TMEM53: variants seen among roughly 807,000 people sequenced by gnomAD.
TMEM53 encodes transmembrane protein 53.
Under a neutral mutation model 21.4 loss-of-function variants are expected in TMEM53, and 14 were observed. The observed-to-expected ratio is 0.65, with a 90% CI of 0.43 to 1.02. The LOEUF (loss-of-function observed/expected upper bound fraction) is 1.02. Ranked by LOEUF, TMEM53 falls within the 50% of genes least tolerant of loss-of-function variation. The pLI, the probability that TMEM53 is intolerant of heterozygous loss-of-function variation, is 0.00. For missense variants in TMEM53, 323 were observed against 383.6 expected (o/e 0.84, Z 1.32); for synonymous variants, 148 against 157.4 (o/e 0.94, Z 0.45).
At chr1:44,674,251 G>A (rs1645058106) in intron 1 of TMEM53, 80 bp downstream of exon 1, 2 of 1,516,426 alleles carry the variant, frequency 1.3e-6, no homozygotes, top group Non-Finnish European at 1.8e-6. Context: ...CCGCATGAGG[G>A]GCGGGGCTAC....
At chr1:44,672,254 T>G (rs1303291803) in intron 1 of TMEM53, among the ~76,000 whole-genome samples, 1 of 152,126 alleles carries the variant, frequency 6.6e-6, no homozygotes, top group Non-Finnish European at 1.5e-5. Context: ...GCCGTGGAGG[T>G]GTTTCCCTTG....
rs1644827294 is a variant in TMEM53 at position 44,654,368 on chromosome 1, T to G, written c.*191A>C. ...GCCCAGGCACTCCTGCCCCTTAGGA[T>G]TCTGTGGTAAGCAGACCACCAGCAG... On this transcript the variant is annotated 3_prime_UTR_variant, in exon 3 of 3. Coordinates refer to ENST00000372237, the MANE Select transcript of TMEM53 (RefSeq NM_024587.4). This position sits in a 1 kb window ranked among gnomAD's most constrained non-coding sequence, Gnocchi z 7.0. 1.6e-6 allele frequency: 1 copy of G among 632,086 alleles called. No homozygotes were observed. Among genetic ancestry groups the G allele is most frequent in the Non-Finnish European group, 2.7e-6 (1 of 370,050 alleles). The allele number at this position is 632,086 out of a possible 1,614,324, so 39.2% of individuals were successfully genotyped here.
In TMEM53 at chr1:44,655,299, T is replaced by TA. The variant is rs1343218103; in HGVS notation, c.184-91dup. ...AGAGGGGCCCAGCAACCCCAGCCTGTAGGACATAGGCCATGGGGCCCACAG... is the reference window on the plus strand; with the variant it reads ...AGAGGGGCCCAGCAACCCCAGCCTGTAAGGACATAGGCCATGGGGCCCACAG... On this transcript the variant is annotated intron_variant, in intron 2 of 2. Coordinates refer to ENST00000372237, the MANE Select transcript of TMEM53 (RefSeq NM_024587.4). This position sits in a 1 kb window ranked among gnomAD's most constrained non-coding sequence, Gnocchi z 4.4. The TA allele has an allele frequency of 2.4e-5, 32 of 1,315,596 alleles. No homozygotes were observed. Among genetic ancestry groups the TA allele is most frequent in the Non-Finnish European group, 3.2e-5 (31 of 968,052 alleles). 81.5% of individuals were successfully genotyped at this position (1,315,596 alleles called of 1,614,324 possible). A position where few individuals can be genotyped will look rare whatever the true frequency, so the allele number is the denominator to read the frequency against.
chr1:44,659,003 A>C (rs1346662065), intron 2 of TMEM53, among the ~76,000 whole-genome samples: 1 of 152,134 alleles, frequency 6.6e-6, no homozygotes, highest in Non-Finnish European at 1.5e-5. Flanking sequence ...GCCTGCCCTC[A>C]AGGATCTCAG....
intron 1 of TMEM53, among the ~76,000 whole-genome samples, chr1:44,671,599 A>G (rs999534575): frequency 1.3e-5 from 2 of 152,174 alleles, no homozygotes; most frequent in African/African-American, 4.8e-5. Flanking sequence ...CTGTCTCCAT[A>G]TAAGAAAATG....
At chr1:44,663,790 C>T (rs1305658327) in intron 1 of TMEM53, among the ~76,000 whole-genome samples, 1 of 152,180 alleles carries the variant, frequency 6.6e-6, no homozygotes, top group Non-Finnish European at 1.5e-5. Flanking sequence ...ATACCTTGTT[C>T]CTAAACCACT....
At chr1:44,666,810 C>A (rs1333453559) in intron 1 of TMEM53, among the ~76,000 whole-genome samples, 1 of 151,572 alleles carries the variant, frequency 6.6e-6, no homozygotes, top group African/African-American at 2.4e-5. Flanking sequence ...TCTTACAATT[C>A]TGTGAATATA....
chr1:44,670,691 T>G (rs1050647416), intron 1 of TMEM53, among the ~76,000 whole-genome samples: 4 of 152,226 alleles, frequency 2.6e-5, no homozygotes, highest in Non-Finnish European at 5.9e-5. Flanking sequence ...AAAAAAGGCA[T>G]GCGGTAAAAC....
At chr1:44,672,085 C>A (rs1332263775) in intron 1 of TMEM53, among the ~76,000 whole-genome samples, 1 of 152,226 alleles carries the variant, frequency 6.6e-6, no homozygotes, top group African/African-American at 2.4e-5. Context: ...GGAAGCTCTG[C>A]AGATAGGAAG....
At chr1:44,674,167 G>A (rs1573243782) in intron 1 of TMEM53, 164 bp downstream of exon 1, 4 of 985,236 alleles carry the variant, frequency 4.1e-6, no homozygotes, top group African/African-American at 1.7e-5. Context: ...CTTACGAGGG[G>A]CGGGGCTCTC....
chr1:44,668,314 G>C (rs765792305), intron 1 of TMEM53, among the ~76,000 whole-genome samples: 32 of 152,084 alleles, frequency 2.1e-4, no homozygotes, highest in Admixed American at 3.9e-4. Context: ...GGTGGCGGGC[G>C]CCTATAGTCC....
At chr1:44,665,600 A>G (rs1573229312) in intron 1 of TMEM53, among the ~76,000 whole-genome samples, 1 of 150,224 alleles carries the variant, frequency 6.7e-6, no homozygotes, top group East Asian at 1.9e-4. Context: ...GCACCATTGC[A>G]CTCCAGCCAG....
Position 44,663,360 on chromosome 1 carries a change from C to A in TMEM53, c.62-3065G>T, listed in dbSNP as rs552338466. 6.6e-5 allele frequency among the ~76,000 whole-genome samples: 10 copies of A among 152,342 alleles called. 1 individual carries two copies. The South Asian group carries it at 2.1e-3, about 32-fold the overall frequency. ...GGTTCAAGAGATTCCCCTGCCTCAGCCTCCTGAGTAGCTGGGACTATAGGT... is the reference window on the plus strand; with the variant it reads ...GGTTCAAGAGATTCCCCTGCCTCAGACTCCTGAGTAGCTGGGACTATAGGT... On this transcript the variant is annotated intron_variant, in intron 1 of 2. Transcript: ENST00000372237.
intron 2 of TMEM53, among the ~76,000 whole-genome samples, chr1:44,658,560 GTTTAT>G (rs569460617): frequency 2.1e-4 from 32 of 152,072 alleles, no homozygotes; most frequent in East Asian, 1.4e-3. Context: ...AAGGAACTTT[GTTTAT>G]TTTGAGACAG....
At chr1:44,663,978 T>C (rs1644924359) in intron 1 of TMEM53, among the ~76,000 whole-genome samples, 1 of 151,962 alleles carries the variant, frequency 6.6e-6, no homozygotes. Flanking sequence ...TTAGGCAACA[T>C]GGCGAAACCT....
chr1:44,666,023 T>G (rs1398187361), intron 1 of TMEM53, among the ~76,000 whole-genome samples: 1 of 152,058 alleles, frequency 6.6e-6, no homozygotes, highest in Non-Finnish European at 1.5e-5. Flanking sequence ...CTCCTAAAAC[T>G]CAACAGCAAA....
intron 1 of TMEM53, among the ~76,000 whole-genome samples, chr1:44,666,947 C>T (rs1038455530): frequency 2.0e-5 from 3 of 151,916 alleles, no homozygotes; most frequent in Non-Finnish European, 2.9e-5. Flanking sequence ...CAGGCTCAAG[C>T]GATCCTCCCA....
chr1:44,657,087 G>A (rs117435791), intron 2 of TMEM53, among the ~76,000 whole-genome samples: 2,406 of 152,072 alleles, frequency 0.016, 81 homozygotes, highest in Admixed American at 0.066. Context: ...CCAGCTACTC[G>A]GGAGGCTGGA....
chr1:44,656,390 G>A (rs1043600319), intron 2 of TMEM53, among the ~76,000 whole-genome samples: 26 of 152,170 alleles, frequency 1.7e-4, no homozygotes, highest in African/African-American at 5.8e-4. Flanking sequence ...AAATCGTATG[G>A]CCACAGTAGT....
Sources: gnomAD v4.1 joint callset for allele counts (sites outside exome capture counted in the v4.1 genomes callset) on GRCh38, gnomAD v4.1.1 for gene constraint, Gnocchi (gnomAD v3.1) non-coding constraint, MANE v1.5 for transcripts, NCBI Gene and HGNC (gene_info 2026-07-23, HGNC 2026-07-21) for gene names.